Variants in ANKRD26 observed in about 807,000 individuals in gnomAD.
ANKRD26 encodes the protein ankyrin repeat domain-containing protein 26.
Under a neutral mutation model 208.7 loss-of-function variants are expected in ANKRD26, and 141 were observed. That is an observed-to-expected ratio of 0.68 (90% CI 0.59 to 0.78). The LOEUF (loss-of-function observed/expected upper bound fraction) is 0.78. ANKRD26 is among the 30% of genes least tolerant of loss of function. The probability of loss-of-function intolerance (pLI) is 0.00; values close to 1 mark genes in which losing one functional copy is unlikely to be tolerated. For missense variants in ANKRD26, 1,889 were observed against 1,938.7 expected (o/e 0.97, Z 0.48); for synonymous variants, 636 against 660.4 (o/e 0.96, Z 0.57).
intron 9 of ANKRD26, among the ~76,000 whole-genome samples, chr10:27,069,549 T>C (rs1171652316): frequency 6.6e-6 from 1 of 152,046 alleles, no homozygotes; most frequent in African/African-American, 2.4e-5. Context: ...GCTCAAGTGA[T>C]CCACCAGCCT....
At chr10:26,993,188 A>C (rs2052520464) in intron 5 of ANKRD26, among the ~76,000 whole-genome samples, 1 of 152,202 alleles carries the variant, frequency 6.6e-6, no homozygotes, top group South Asian at 2.1e-4. Flanking sequence ...GCAGGGTCTG[A>C]ATTACTCATC....
chr10:27,014,216 C>T (rs2053214122), intron 31 of ANKRD26, among the ~76,000 whole-genome samples: 1 of 150,244 alleles, frequency 6.7e-6, no homozygotes, highest in South Asian at 2.1e-4. Context: ...GTCTAAATTA[C>T]AAAGTTTTAA....
At chr10:27,007,655 C>CA (rs1232732085) in intron 32 of ANKRD26, among the ~76,000 whole-genome samples, 11 of 151,910 alleles carry the variant, frequency 7.2e-5, no homozygotes, top group African/African-American at 2.7e-4. Context: ...GACTCCGTCT[C>CA]AAAAAAACAA....
intron 4 of ANKRD26, among the ~76,000 whole-genome samples, chr10:26,995,697 A>C (rs947173909): frequency 2.6e-5 from 4 of 152,212 alleles, no homozygotes; most frequent in African/African-American, 9.6e-5. Flanking sequence ...TTGGACTCAG[A>C]TAATATGCCC....
rs1589255346 is a variant in ANKRD26 at position 27,036,724 on chromosome 10, A to G, written c.2697+462T>C. Among the ~76,000 whole-genome samples, 3 of 152,262 alleles carry G rather than the reference A, an allele frequency of 2.0e-5. No homozygotes were observed. The East Asian group carries it at 5.8e-4, about 29-fold the overall frequency. ...AATAAGATACTACTTGCAGTAAACC[A>G]TTACTCTTCTCAACAGTGAGAAGAA... On this transcript the variant is annotated intron_variant, in intron 23 of 33. Transcript: ENST00000376087.
At chr10:27,019,500 G>C (rs907276811) in intron 29 of ANKRD26, among the ~76,000 whole-genome samples, 1 of 152,094 alleles carries the variant, frequency 6.6e-6, no homozygotes, top group Non-Finnish European at 1.5e-5. Context: ...GCACAAACCA[G>C]AAGATTCTAG....
chr10:27,065,993 G>A (rs560679326), intron 11 of ANKRD26, among the ~76,000 whole-genome samples: 2 of 148,520 alleles, frequency 1.3e-5, no homozygotes, highest in African/African-American at 2.5e-5. Flanking sequence ...AGCCTCCCGA[G>A]TAGTGACTAC....
chr10:27,034,969 C>T lies in ANKRD26; in HGVS notation c.3481G>A (p.Glu1161Lys), dbSNP rs1223425535. ...DDAHNKADNKEKTVINIQDQF... is the reference protein window; with the variant it reads ...DDAHNKADNKKKTVINIQDQF... Reference sequence around the variant, plus strand: ...TCTTGGATATTAATCACTGTCTTCTCTTTATTGTCAGCCTTGTTGTGGGCA... The same window carrying T: ...TCTTGGATATTAATCACTGTCTTCTTTTTATTGTCAGCCTTGTTGTGGGCA... The change falls in exon 24 of 34, where the codon GAG becomes AAG. Residue 1161 changes from glutamate (E) to lysine (K), a missense_variant. By Grantham distance (56) the Glu-to-Lys change is moderately conservative (BLOSUM62 1). Transcript: ENST00000376087. 6.2e-7 allele frequency: 1 copy of T among 1,614,080 alleles called. No homozygotes were observed. Among genetic ancestry groups the T allele is most frequent in the Admixed American group, 1.7e-5 (1 of 60,026 alleles).
Position 27,068,757 on chromosome 10 carries a change from T to C in ANKRD26, c.1078-1471A>G, listed in dbSNP as rs575042873. Among the ~76,000 whole-genome samples the C allele has an allele frequency of 2.7e-5, 4 of 150,930 alleles. No homozygotes were observed. The South Asian group carries it at 6.3e-4, about 24-fold the overall frequency. ...GGTCACCCTGGCAGCAATGTAAACATAGATAAACATGGGGGTTGGGGGAGT... is the reference window on the plus strand; with the variant it reads ...GGTCACCCTGGCAGCAATGTAAACACAGATAAACATGGGGGTTGGGGGAGT... On this transcript the variant is annotated intron_variant, in intron 9 of 33. Coordinates refer to ENST00000376087, the MANE Select transcript of ANKRD26 (RefSeq NM_014915.3).
intron 25 of ANKRD26, among the ~76,000 whole-genome samples, chr10:27,032,084 T>A (rs1428846815): frequency 2.6e-5 from 4 of 152,218 alleles, no homozygotes; most frequent in African/African-American, 7.2e-5. Flanking sequence ...TAAAATACTG[T>A]TTAACAGGAA....
chr10:27,022,492 C>A (rs750294988), intron 29 of ANKRD26, 66 bp downstream of exon 29: 159 of 1,252,518 alleles, frequency 1.3e-4, no homozygotes, highest in Non-Finnish European at 1.6e-4. Flanking sequence ...CTGTTCAAAG[C>A]ATTGAGAAGT....
In ANKRD26 at chr10:27,082,696, C is replaced by T. The variant is rs934110949; in HGVS notation, c.740+107G>A. 3.5e-6 allele frequency: 5 copies of T among 1,441,550 alleles called. No homozygotes were observed. The African/African-American group carries it at 7.2e-5, about 21-fold the overall frequency. The allele number at this position is 1,441,550 out of a possible 1,614,324, so 89.3% of individuals were successfully genotyped here. ...ATACTTTGCAAAGCTGTTGGGACGA[C>T]TATATGGAGAAGCACATAATATGGT... On this transcript the variant is annotated intron_variant, in intron 6 of 33. Transcript: ENST00000376087.
downstream of ANKRD26, among the ~76,000 whole-genome samples, chr10:26,973,574 G>A (rs2052179703): frequency 6.8e-6 from 1 of 146,962 alleles, no homozygotes; most frequent in African/African-American, 2.5e-5. Context: ...AATGGCAACT[G>A]TAGCCCATTC....
At position 27,034,798 on chromosome 10, in the gene ANKRD26, CTCTT is replaced by C. The variant is rs1416417454; in HGVS notation, c.3648_3651del (p.Arg1217LysfsTer4). 5 of 1,595,116 alleles carry C rather than the reference CTCTT, an allele frequency of 3.1e-6. No homozygotes were observed. In the Admixed American group the frequency reaches 6.8e-5, roughly 22 times the overall value. On this transcript the variant is annotated frameshift_variant, in exon 24 of 34. Transcript: ENST00000376087. LOFTEE classifies it high-confidence loss of function. The stretch of plus-strand genomic sequence containing the variant: ...TATTTATCTTTCTTGATACTTACTT[CTCTT>C]TCTGCCTTTTCATTTTCATATTGAT...
At chr10:27,022,285 G>A (rs1025368033) in intron 29 of ANKRD26, among the ~76,000 whole-genome samples, 4 of 152,052 alleles carry the variant, frequency 2.6e-5, no homozygotes, top group African/African-American at 9.7e-5. Context: ...GTGAGAGAAG[G>A]GAGAGGAATC....
chr10:27,081,981 C>T (rs1239577998), intron 6 of ANKRD26, among the ~76,000 whole-genome samples: 1 of 150,376 alleles, frequency 6.6e-6, no homozygotes, highest in Non-Finnish European at 1.5e-5. Flanking sequence ...TGTGATATGC[C>T]CACCTTGGCC....
chr10:26,966,138 A>C, the ANKRD26 span, among the ~76,000 whole-genome samples: 68 of 152,338 alleles, frequency 4.5e-4, no homozygotes, highest in African/African-American at 1.4e-3. Context: ...CTGGGTATAT[A>C]TCCAAAGGGC....
chr10:26,961,836 G>A, the ANKRD26 span, among the ~76,000 whole-genome samples: 1 of 152,184 alleles, frequency 6.6e-6, no homozygotes, highest in Non-Finnish European at 1.5e-5. Context: ...TGTGCAGCAG[G>A]ACCCAGCAGT....
chr10:26,957,324 G>T, the ANKRD26 span, among the ~76,000 whole-genome samples: 18 of 152,288 alleles, frequency 1.2e-4, no homozygotes, highest in South Asian at 3.3e-3. Flanking sequence ...GGAGGCAGAG[G>T]TTGCAGTGAG....
Sources: allele counts gnomAD v4.1 joint callset (sites outside exome capture counted in the v4.1 genomes callset), GRCh38; gene constraint gnomAD v4.1.1; transcripts MANE v1.5; gene names NCBI Gene and HGNC (gene_info 2026-07-23, HGNC 2026-07-21).